Variants in RBFOX1 observed in about 807,000 individuals in gnomAD.
The protein encoded by RBFOX1 is RNA binding protein fox-1 homolog 1.
A neutral mutation model predicts 57.7 loss-of-function variants in RBFOX1; 8 were observed. That is an observed-to-expected ratio of 0.14 (90% CI 0.08 to 0.25). The LOEUF is 0.25. RBFOX1 is among the 10% of genes least tolerant of loss of function. The pLI is 1.00. For missense variants in RBFOX1, 611 were observed against 548.5 expected, an observed-to-expected ratio of 1.11 and a Z score of -1.14; for synonymous variants, 326 against 222.4, an observed-to-expected ratio of 1.47 and a Z score of -4.15.
intron 2 of RBFOX1, among the ~76,000 whole-genome samples, chr16:6,510,206 G>A (rs994280022): frequency 6.6e-6 from 1 of 152,086 alleles, no homozygotes; most frequent in Admixed American, 6.6e-5. Context: ...ATTTTTATTA[G>A]CCCCTTTGTC....
chr16:7,679,796 T>C (rs1175181396), intron 14 of RBFOX1, among the ~76,000 whole-genome samples: 2 of 152,028 alleles, frequency 1.3e-5, no homozygotes, highest in Admixed American at 6.6e-5. Flanking sequence ...TCTCTGAATG[T>C]TGACCTCCAG....
At chr16:6,712,999 G>A (rs191622841) in intron 3 of RBFOX1, among the ~76,000 whole-genome samples, 34 of 146,796 alleles carry the variant, frequency 2.3e-4, no homozygotes, top group South Asian at 1.1e-3. Flanking sequence ...CTTGCCTGCC[G>A]CCATGTAAGA....
intron 11 of RBFOX1, among the ~76,000 whole-genome samples, chr16:7,645,930 TC>T (rs2063648926): frequency 6.7e-6 from 1 of 150,096 alleles, no homozygotes; most frequent in African/African-American, 2.5e-5. Flanking sequence ...GGAAGCTTTC[TC>T]CCCCACCCAC....
intron 1 of RBFOX1, among the ~76,000 whole-genome samples, chr16:6,216,693 C>T (rs899753856): frequency 6.6e-6 from 1 of 152,116 alleles, no homozygotes; most frequent in African/African-American, 2.4e-5. Flanking sequence ...ACAGATATCC[C>T]CTTCTAGCTG....
intron 4 of RBFOX1, among the ~76,000 whole-genome samples, chr16:7,205,736 G>A (rs144818553): frequency 2.6e-5 from 4 of 152,296 alleles, no homozygotes; most frequent in South Asian, 4.1e-4. Context: ...GAAAGAAAAC[G>A]AAGTCCCTGA....
chr16:5,962,796 C>T (rs946624278), intron 4 of RBFOX1, among the ~76,000 whole-genome samples: 4 of 145,448 alleles, frequency 2.8e-5, no homozygotes, highest in South Asian at 2.2e-4. Context: ...CCAGCAGCTA[C>T]GGTATGAGAA....
intron 3 of RBFOX1, among the ~76,000 whole-genome samples, chr16:5,834,725 A>AGATG (rs2056399759): frequency 7.5e-6 from 1 of 133,276 alleles, no homozygotes; most frequent in African/African-American, 3.3e-5. Flanking sequence ...ATACATAGAT[A>AGATG]CATAGATACA....
chr16:5,863,598 A>G (rs940291373), intron 3 of RBFOX1, among the ~76,000 whole-genome samples: 4 of 152,192 alleles, frequency 2.6e-5, no homozygotes, highest in African/African-American at 9.7e-5. Flanking sequence ...GGAGTCTCTG[A>G]ATCTAATATA....
chr16:7,099,063 A>G (rs972304345), intron 4 of RBFOX1, among the ~76,000 whole-genome samples: 2 of 152,220 alleles, frequency 1.3e-5, no homozygotes, highest in Admixed American at 1.3e-4. Context: ...CTTGCATAGT[A>G]TCTTTCTCAA....
intron 4 of RBFOX1, among the ~76,000 whole-genome samples, chr16:7,443,851 G>T (rs2098788762): frequency 6.6e-6 from 1 of 152,190 alleles, no homozygotes; most frequent in African/African-American, 2.4e-5. Context: ...GCTAATTAGG[G>T]ATGCACGTGG....
intron 2 of RBFOX1, among the ~76,000 whole-genome samples, chr16:6,524,416 C>T (rs1482320077): frequency 6.6e-6 from 1 of 152,136 alleles, no homozygotes; most frequent in Non-Finnish European, 1.5e-5. Flanking sequence ...AGGTTATTTC[C>T]AGATCTTTTT....
intron 3 of RBFOX1, among the ~76,000 whole-genome samples, chr16:6,960,368 C>G (rs1286157256): frequency 1.3e-5 from 2 of 152,134 alleles, no homozygotes; most frequent in African/African-American, 2.4e-5. Context: ...TGTATAAGCT[C>G]TGGAAAACTT....
At chr16:6,913,883 A>C (rs2153438058) in intron 3 of RBFOX1, among the ~76,000 whole-genome samples, 1 of 152,346 alleles carries the variant, frequency 6.6e-6, no homozygotes, top group South Asian at 2.1e-4. Context: ...GCAAGGTGCC[A>C]GTCTCAACTG....
chr16:5,596,274 C>T (rs1482318103), intron 2 of RBFOX1, among the ~76,000 whole-genome samples: 1 of 152,152 alleles, frequency 6.6e-6, no homozygotes, highest in Non-Finnish European at 1.5e-5. Context: ...ATACTGGTTG[C>T]CTAGATCCTC....
intron 3 of RBFOX1, among the ~76,000 whole-genome samples, chr16:6,884,444 G>T (rs1394334912): frequency 1.3e-5 from 2 of 152,128 alleles, no homozygotes; most frequent in African/African-American, 4.8e-5. Context: ...TGCCTTCAAG[G>T]ATCGTACTGT....
At chr16:6,668,350 G>T (rs138051373) in intron 3 of RBFOX1, among the ~76,000 whole-genome samples, 3 of 152,208 alleles carry the variant, frequency 2.0e-5, no homozygotes, top group African/African-American at 7.2e-5. Flanking sequence ...CACCTGCCAG[G>T]TATAGTTTAG....
chr16:6,293,899 G>C (rs1042337040), intron 1 of RBFOX1, among the ~76,000 whole-genome samples: 3 of 17,986 alleles, frequency 1.7e-4, no homozygotes, highest in South Asian at 1.7e-3. Flanking sequence ...GGTGAGCGGG[G>C]GGGTGGTGGA....
intron 3 of RBFOX1, among the ~76,000 whole-genome samples, chr16:6,817,053 GA>G (rs905344115): frequency 3.3e-5 from 5 of 152,064 alleles, no homozygotes; most frequent in African/African-American, 1.2e-4. Flanking sequence ...CAGCCTCTTT[GA>G]CATAATTTTT....
intron 4 of RBFOX1, among the ~76,000 whole-genome samples, chr16:7,060,322 A>G (rs966298533): frequency 6.6e-6 from 1 of 152,206 alleles, no homozygotes; most frequent in Admixed American, 6.5e-5. Context: ...CTGAAATGTT[A>G]GTGAGGTGTA....
Sources: allele counts gnomAD v4.1 joint callset (sites outside exome capture counted in the v4.1 genomes callset), GRCh38; gene constraint gnomAD v4.1.1; transcripts MANE v1.5; gene names NCBI Gene and HGNC (gene_info 2026-07-23, HGNC 2026-07-21).